The following DLGAP2 variants were observed in gnomAD, a reference collection of about 807,000 sequenced individuals.
DLGAP2 encodes disks large-associated protein 2.
In DLGAP2, 26 loss-of-function variants were observed where a neutral mutation model predicts 100.3. The ratio of observed to expected loss-of-function variants is 0.26; its 90% CI spans 0.19 to 0.36. DLGAP2 has a LOEUF of 0.36. Among genes scored for constraint, DLGAP2 ranks in the 10% least tolerant of loss-of-function variants. DLGAP2 has a pLI of 1.00. For missense variants in DLGAP2, 1,858 were observed against 1,453.2 expected (o/e 1.28, Z -4.53); for synonymous variants, 886 against 630.1 (o/e 1.41, Z -6.08).
chr8:1,560,221 A>T (rs1802113410), intron 5 of DLGAP2, among the ~76,000 whole-genome samples: 1 of 152,230 alleles, frequency 6.6e-6, no homozygotes, highest in Non-Finnish European at 1.5e-5. Flanking sequence ...CACATAACAC[A>T]GTTACATCTT....
chr8:1,545,689 A>G (rs1043980971), intron 4 of DLGAP2, among the ~76,000 whole-genome samples: 4 of 152,222 alleles, frequency 2.6e-5, no homozygotes, highest in Non-Finnish European at 5.9e-5. Flanking sequence ...CATTATTGTG[A>G]TAATATTTTA....
intron 3 of DLGAP2, among the ~76,000 whole-genome samples, chr8:1,359,400 G>C (rs1342708560): frequency 6.6e-6 from 1 of 152,236 alleles, no homozygotes; most frequent in Non-Finnish European, 1.5e-5. Context: ...CTTCAGAGGA[G>C]GACAGTTTTC....
chr8:1,326,431 G>A (rs1801022777), intron 3 of DLGAP2, among the ~76,000 whole-genome samples: 1 of 152,208 alleles, frequency 6.6e-6, no homozygotes, highest in South Asian at 2.1e-4. Context: ...AGAAATGTAA[G>A]GAAAGGAGCT....
At chr8:1,138,132 C>A (rs1275429180) in intron 2 of DLGAP2, among the ~76,000 whole-genome samples, 1 of 152,326 alleles carries the variant, frequency 6.6e-6, no homozygotes, top group East Asian at 1.9e-4. Context: ...GCAGAGCGAG[C>A]CTGAGAATGG....
chr8:1,289,289 T>C (rs1303581672), intron 3 of DLGAP2, among the ~76,000 whole-genome samples: 1 of 152,240 alleles, frequency 6.6e-6, no homozygotes, highest in African/African-American at 2.4e-5. Flanking sequence ...TAGAGACAGC[T>C]ACTTATTTGA....
Position 1,669,765 on chromosome 8 carries a change from A to G in DLGAP2, c.2183A>G (p.Gln728Arg). The stretch of plus-strand genomic sequence containing the variant: ...TAGGATTCTGAATTCCCAGAGCATC[A>G]GCCATACCCAAGGTCAGATGTAAGT... ...GIQDSEFPEHQPYPRSDVETA... is the reference protein window; with the variant it reads ...GIQDSEFPEHRPYPRSDVETA... The change falls in exon 10 of 15, where the codon CAG becomes CGG. Residue 728 changes from glutamine to arginine, a missense_variant. Physicochemically the swap from Gln to Arg is conservative, Grantham distance 43 (BLOSUM62 1). Coordinates refer to ENST00000637795, the MANE Select transcript of DLGAP2 (RefSeq NM_001346810.2). 1 of 780,954 alleles carries G rather than the reference A, an allele frequency of 1.3e-6. No homozygotes were observed. The highest frequency in any genetic ancestry group is 2.4e-6 in the Non-Finnish European group (1 of 418,006). 48.4% of individuals were successfully genotyped at this position (780,954 alleles called of 1,614,324 possible). A position where few individuals can be genotyped will look rare whatever the true frequency, so the allele number is the denominator to read the frequency against.
chr8:837,022 C>T (rs1468860173), intron 1 of DLGAP2, among the ~76,000 whole-genome samples: 1 of 152,222 alleles, frequency 6.6e-6, no homozygotes, highest in Non-Finnish European at 1.5e-5. Flanking sequence ...TGGTTAGAAA[C>T]ACAGATTCTG....
intron 3 of DLGAP2, among the ~76,000 whole-genome samples, chr8:1,483,340 G>A (rs1799150006): frequency 6.6e-6 from 1 of 152,204 alleles, no homozygotes; most frequent in Non-Finnish European, 1.5e-5. Flanking sequence ...TGGGCTGGAC[G>A]TGCGTGAGGC....
At chr8:1,186,288 C>G (rs1797502397) in intron 2 of DLGAP2, among the ~76,000 whole-genome samples, 1 of 152,242 alleles carries the variant, frequency 6.6e-6, no homozygotes, top group South Asian at 2.1e-4. Context: ...ACCTTGGGGG[C>G]AGATCCAGCG....
intron 2 of DLGAP2, among the ~76,000 whole-genome samples, chr8:956,155 T>G (rs1285323911): frequency 1.3e-5 from 2 of 152,234 alleles, no homozygotes; most frequent in Non-Finnish European, 2.9e-5. Context: ...AATTTGTGTG[T>G]GCGTCTGGTG....
At chr8:1,394,076 C>A (rs1313444180) in intron 3 of DLGAP2, among the ~76,000 whole-genome samples, 1 of 5,284 alleles carries the variant, frequency 1.9e-4, no homozygotes. Context: ...GCGCTCCCTC[C>A]TCGTCCTCCT....
rs34972349 is a variant in DLGAP2, at chr8:1,702,370, A to AC, written c.*964_*965insC. ...ACTTTTCAGGGTATCCTTAAAAAAA[A>AC]ACACACACGAAAAACAAAAGTTTGC... On this transcript the variant is annotated 3_prime_UTR_variant, in exon 15 of 15. Transcript: ENST00000637795. 0.2 allele frequency: 31,202 copies of AC among 152,338 alleles called. 3,416 individuals carry two copies. Among genetic ancestry groups the AC allele is most frequent in the East Asian group, 0.37 (1,898 of 5,166 alleles). 9.4% of individuals were successfully genotyped at this position (152,338 alleles called of 1,614,324 possible).
chr8:1,188,390 G>A (rs1267694802), intron 2 of DLGAP2, among the ~76,000 whole-genome samples: 1 of 120,438 alleles, frequency 8.3e-6, no homozygotes, highest in Non-Finnish European at 1.6e-5. Context: ...TCACACACCC[G>A]GGACCTCCAT....
Position 1,170,346 on chromosome 8 carries a change from T to C in DLGAP2, c.74-88505T>C, listed in dbSNP as rs1471671213. On this transcript the variant is annotated intron_variant, in intron 2 of 14. Transcript: ENST00000637795. The stretch of plus-strand genomic sequence containing the variant: ...CAAGGATATTGGTCTAAAATTCTCT[T>C]TTTTGGTTGTGTCTCTGCCAGGCTT... Among the ~76,000 whole-genome samples the C allele has an allele frequency of 2.6e-5, 4 of 152,050 alleles. No homozygotes were observed. The South Asian group carries it at 6.2e-4, about 24-fold the overall frequency.
At chr8:1,674,679 G>C (rs959882347) in intron 10 of DLGAP2, among the ~76,000 whole-genome samples, 17 of 152,144 alleles carry the variant, frequency 1.1e-4, no homozygotes, top group African/African-American at 4.1e-4. Flanking sequence ...CTCTGACCCA[G>C]ACCTCCCGTC....
rs1443012831 is a variant in DLGAP2 at position 1,199,954 on chromosome 8, C to T, written c.74-58897C>T. Among the ~76,000 whole-genome samples, 7 of 152,140 alleles carry T rather than the reference C, an allele frequency of 4.6e-5. No homozygotes were observed. In the South Asian group the frequency reaches 6.2e-4, roughly 13 times the overall value. On this transcript the variant is annotated intron_variant, in intron 2 of 14. Transcript: ENST00000637795. Reference sequence around the variant, plus strand: ...GGAAGGATTCCCCCCCACAACCCCCCGCAGAGGCCGGGTCTCAGCAGGGGT... The same window carrying T: ...GGAAGGATTCCCCCCCACAACCCCCTGCAGAGGCCGGGTCTCAGCAGGGGT...
intron 2 of DLGAP2, among the ~76,000 whole-genome samples, chr8:1,072,327 T>C (rs994782682): frequency 6.6e-6 from 1 of 152,166 alleles, no homozygotes; most frequent in Non-Finnish European, 1.5e-5. Flanking sequence ...AAGCTTCCTA[T>C]TCATTAATTC....
At chr8:986,111 T>A (rs1192249560) in intron 2 of DLGAP2, among the ~76,000 whole-genome samples, 1 of 151,986 alleles carries the variant, frequency 6.6e-6, no homozygotes, top group African/African-American at 2.4e-5. Context: ...GTATGGCTGG[T>A]TGGGAAGAAG....
At chr8:1,675,145 C>T (rs534794065) in intron 10 of DLGAP2, among the ~76,000 whole-genome samples, 1 of 152,362 alleles carries the variant, frequency 6.6e-6, no homozygotes, top group Non-Finnish European at 1.5e-5. Flanking sequence ...ACCGCTTCTG[C>T]GCCTGTCTTC....
Sources: gnomAD v4.1 joint callset for allele counts (sites outside exome capture counted in the v4.1 genomes callset) on GRCh38, gnomAD v4.1.1 for gene constraint, MANE v1.5 for transcripts, NCBI Gene and HGNC (gene_info 2026-07-23, HGNC 2026-07-21) for gene names.